Variants in PLCG1 observed in about 807,000 individuals in gnomAD.
PLCG1 encodes phospholipase C gamma 1.
A neutral mutation model predicts 177.8 loss-of-function variants in PLCG1; 71 were observed. The observed-to-expected ratio is 0.40, with a 90% CI of 0.33 to 0.49. PLCG1 has a LOEUF of 0.49. Among genes scored for constraint, PLCG1 ranks in the 20% least tolerant of loss-of-function variants. PLCG1 has a pLI of 0.72. For missense variants in PLCG1, 1,281 were observed against 1,709.0 expected (o/e 0.75, Z 4.42); for synonymous variants, 658 against 647.9 (o/e 1.02, Z -0.24).
chr20:41,163,289 G>A lies in PLCG1; in HGVS notation c.789+14G>A, dbSNP rs1216833198. The A allele has an allele frequency of 1.9e-6, 3 of 1,576,800 alleles. No individual in the cohort carries two copies. Among genetic ancestry groups the A allele is most frequent in the African/African-American group, 1.4e-5 (1 of 73,288 alleles). On this transcript the variant is annotated intron_variant, in intron 8 of 31. Coordinates refer to ENST00000685551, the MANE Select transcript of PLCG1 (RefSeq NM_002660.3). The surrounding 1 kb of genome is among the most constrained non-coding windows in gnomAD (Gnocchi z 5.2). ...GACTACCAGGGGGTATGGCTGGGCT[G>A]ACATTGGCCCAGGCTGGTAGGTTGT...
At chr20:41,152,658 C>T (rs150470042) in intron 1 of PLCG1, among the ~76,000 whole-genome samples, 34 of 152,362 alleles carry the variant, frequency 2.2e-4, no homozygotes, top group African/African-American at 6.5e-4. Context: ...CTCTTAAGTA[C>T]TCTGAACATT....
chr20:41,163,030 C>A lies in PLCG1; in HGVS notation c.716+38C>A. 1 of 1,600,806 alleles carries A rather than the reference C, an allele frequency of 6.2e-7. No individual in the cohort carries two copies. The highest frequency in any genetic ancestry group is 1.3e-5 in the African/African-American group (1 of 74,726). ...GTGGGGAGGTGGGGTTTTCCCTGGGCCCCCTTCATCTCTCCACTGGGCGAT... is the reference window on the plus strand; with the variant it reads ...GTGGGGAGGTGGGGTTTTCCCTGGGACCCCTTCATCTCTCCACTGGGCGAT... On this transcript the variant is annotated intron_variant, in intron 7 of 31. Coordinates refer to ENST00000685551, the MANE Select transcript of PLCG1 (RefSeq NM_002660.3). The surrounding 1 kb of genome is among the most constrained non-coding windows in gnomAD (Gnocchi z 5.2).
chr20:41,153,298 A>G lies in PLCG1; in HGVS notation c.218-6308A>G, dbSNP rs575987060. Among the ~76,000 whole-genome samples, 5 of 152,214 alleles carry G rather than the reference A, an allele frequency of 3.3e-5. No homozygotes were observed. The East Asian group carries it at 5.8e-4, about 18-fold the overall frequency. ...TGTTTTTGTTTTGTGTTTTTAGAGA[A>G]AGGATCTCGCTTTGTTGGCCAGGCT... On this transcript the variant is annotated intron_variant, in intron 1 of 31. Transcript: ENST00000685551. This position sits in a 1 kb window ranked among gnomAD's most constrained non-coding sequence, Gnocchi z 5.1.
chr20:41,176,572 C>A lies in PLCG1; in HGVS notation c.*2063C>A, dbSNP rs538710229. The A allele has an allele frequency of 2.6e-5, 4 of 152,222 alleles. No individual in the cohort carries two copies. The highest frequency in any genetic ancestry group is 5.9e-5 in the Non-Finnish European group (4 of 68,050). The allele number at this position is 152,222 out of a possible 1,614,324, so 9.4% of individuals were successfully genotyped here. On this transcript the variant is annotated 3_prime_UTR_variant, in exon 32 of 32. Coordinates refer to ENST00000685551, the MANE Select transcript of PLCG1 (RefSeq NM_002660.3). ...TCAATACGTATCTCTATTTGCTGAA[C>A]AAGTGTCTTTCTGGAACACAACCTG...
At chr20:41,143,760 T>A (rs2034905459) in intron 1 of PLCG1, among the ~76,000 whole-genome samples, 1 of 152,240 alleles carries the variant, frequency 6.6e-6, no homozygotes, top group African/African-American at 2.4e-5. Context: ...TTTCCCTGTC[T>A]GAAATTGATC....
Position 41,164,067 on chromosome 20 carries a change from A to T in PLCG1, c.1097-14A>T. On this transcript the variant is annotated splice_polypyrimidine_tract_variant and intron_variant, in intron 11 of 31. Transcript: ENST00000685551. The surrounding 1 kb of genome is among the most constrained non-coding windows in gnomAD (Gnocchi z 6.4). Reference sequence around the variant, plus strand: ...GAGGCCTGCCCGCTTGACCATGGTGATGTTGCTCCCCAGTGGACTGCTGGG... The same window carrying T: ...GAGGCCTGCCCGCTTGACCATGGTGTTGTTGCTCCCCAGTGGACTGCTGGG... 1 of 1,614,056 alleles carries T rather than the reference A, an allele frequency of 6.2e-7. No homozygotes were observed.
chr20:41,168,731 C>A, intron 20 of PLCG1, 36 bp from the exon 21 acceptor site: 1 of 1,342,752 alleles, frequency 7.4e-7, no homozygotes, highest in Non-Finnish European at 1.1e-6. Flanking sequence ...GCAGGGAGAG[C>A]CTTTCTGCTC....
rs201465441 is a variant in PLCG1 at position 41,165,211 on chromosome 20, G to T, written c.1387-34G>T. 56 of 1,612,754 alleles carry T rather than the reference G, an allele frequency of 3.5e-5. 3 individuals are homozygous for T. The African/African-American group carries it at 3.6e-4, about 10-fold the overall frequency. On this transcript the variant is annotated intron_variant, in intron 13 of 31. Coordinates refer to ENST00000685551, the MANE Select transcript of PLCG1 (RefSeq NM_002660.3). This position sits in a 1 kb window ranked among gnomAD's most constrained non-coding sequence, Gnocchi z 6.6. The stretch of plus-strand genomic sequence containing the variant: ...GGTGAGGAGGTGGGGTGAGGACTGG[G>T]GTCTGCATTGCCCTGTTCTGGTTGC...
rs753250885 is a variant in PLCG1 at position 41,174,204 on chromosome 20, T to C, written c.3726T>C (p.His1242=). The C allele has an allele frequency of 7.4e-6, 12 of 1,614,186 alleles. No individual in the cohort carries two copies. The highest frequency in any genetic ancestry group is 1.0e-5 in the Non-Finnish European group (12 of 1,180,036). ...CAGATGCCTCAGGCCAGCTGTTTCATGGCCGAGCCCGGGAAGGCTCCTTTG... is the reference window on the plus strand; with the variant it reads ...CAGATGCCTCAGGCCAGCTGTTTCACGGCCGAGCCCGGGAAGGCTCCTTTG... ...RGSDASGQLF[H]GRAREGSFES... Residue 1242 remains histidine, a synonymous_variant, in exon 31 of 32, where the codon CAT becomes CAC. Coordinates refer to ENST00000685551, the MANE Select transcript of PLCG1 (RefSeq NM_002660.3). The surrounding 1 kb of genome is among the most constrained non-coding windows in gnomAD (Gnocchi z 5.8).
rs927409627 is a variant in PLCG1 at position 41,172,132 on chromosome 20, G to C, written c.2809-61G>C. ...TGTGGGCATGCCCAAGGTTGGCAGG[G>C]GCTTCCTTCTCCTGGGCAGGGCTGT... On this transcript the variant is annotated intron_variant, in intron 24 of 31. Coordinates refer to ENST00000685551, the MANE Select transcript of PLCG1 (RefSeq NM_002660.3). This position sits in a 1 kb window ranked among gnomAD's most constrained non-coding sequence, Gnocchi z 7.0. The C allele has an allele frequency of 1.5e-6, 2 of 1,354,260 alleles. No homozygotes were observed. The highest frequency in any genetic ancestry group is 2.1e-6 in the Non-Finnish European group (2 of 942,796). 83.9% of individuals were successfully genotyped at this position (1,354,260 alleles called of 1,614,324 possible).
chr20:41,170,514 C>T (rs1176143348), intron 24 of PLCG1: 3 of 483,624 alleles, frequency 6.2e-6, no homozygotes, highest in African/African-American at 3.9e-5. Context: ...GCTTAGTGGG[C>T]AATTGGATAC....
At chr20:41,171,448 A>T (rs2035892007) in intron 24 of PLCG1, among the ~76,000 whole-genome samples, 1 of 151,966 alleles carries the variant, frequency 6.6e-6, no homozygotes, top group Admixed American at 6.5e-5. Context: ...TTAGCCGGGC[A>T]TGTTGGCCGG....
chr20:41,173,914 TC>T lies in PLCG1; in HGVS notation c.3557-7del. 2 of 1,613,542 alleles carry T rather than the reference TC, an allele frequency of 1.2e-6. No individual in the cohort carries two copies. Among genetic ancestry groups the T allele is most frequent in the East Asian group, 2.2e-5 (1 of 44,868 alleles). ...CGTGGGCTGAGGGCCAGGCTTTTCC[TC>T]CTCCTAGGATACAGAGCAGTGCCTT... On this transcript the variant is annotated splice_region_variant and splice_polypyrimidine_tract_variant and intron_variant, in intron 29 of 31. Coordinates refer to ENST00000685551, the MANE Select transcript of PLCG1 (RefSeq NM_002660.3). This position sits in a 1 kb window ranked among gnomAD's most constrained non-coding sequence, Gnocchi z 6.2.
rs1405094940 is a variant in PLCG1 at position 41,159,126 on chromosome 20, G to T, written c.218-480G>T. Among the ~76,000 whole-genome samples the T allele has an allele frequency of 6.6e-6, 1 of 152,194 alleles. No homozygotes were observed. Among genetic ancestry groups the T allele is most frequent in the Non-Finnish European group, 1.5e-5 (1 of 68,028 alleles). On this transcript the variant is annotated intron_variant, in intron 1 of 31. Coordinates refer to ENST00000685551, the MANE Select transcript of PLCG1 (RefSeq NM_002660.3). The surrounding 1 kb of genome is among the most constrained non-coding windows in gnomAD (Gnocchi z 6.0). ...GACTTGTGTGGGGATGGCTTTAGCA[G>T]TTAGGCATTTCAGGGATGCACCAGT...
In PLCG1 at chr20:41,165,868, G is replaced by T; in HGVS notation, c.1799+42G>T. On this transcript the variant is annotated intron_variant, in intron 16 of 31. Coordinates refer to ENST00000685551, the MANE Select transcript of PLCG1 (RefSeq NM_002660.3). The surrounding 1 kb of genome is among the most constrained non-coding windows in gnomAD (Gnocchi z 6.6). ...AGATGCGTATGTTCAGTCAGCGTGT[G>T]TACACAGACATCACATCACCCAGAG... 1 of 1,432,486 alleles carries T rather than the reference G, an allele frequency of 7.0e-7. No individual in the cohort carries two copies. Among genetic ancestry groups the T allele is most frequent in the South Asian group, 1.3e-5 (1 of 78,060 alleles). The allele number at this position is 1,432,486 out of a possible 1,614,324, so 88.7% of individuals were successfully genotyped here. A position where few individuals can be genotyped will look rare whatever the true frequency, so the allele number is the denominator to read the frequency against.
chr20:41,172,325 C>T lies in PLCG1; in HGVS notation c.2905+36C>T, dbSNP rs780324303. On this transcript the variant is annotated intron_variant, in intron 25 of 31. Coordinates refer to ENST00000685551, the MANE Select transcript of PLCG1 (RefSeq NM_002660.3). This position sits in a 1 kb window ranked among gnomAD's most constrained non-coding sequence, Gnocchi z 7.0. ...GGGCCCAGGCGGGGTGTGCATGTGC[C>T]TGGAGGGCCTGGTGGGTGCAAAAAG... 28 of 1,584,820 alleles carry T rather than the reference C, an allele frequency of 1.8e-5. No homozygotes were observed.
intron 24 of PLCG1, 90 bp downstream of exon 24, chr20:41,170,359 C>A: frequency 7.1e-7 from 1 of 1,414,350 alleles, no homozygotes; most frequent in East Asian, 2.4e-5. Flanking sequence ...CCCCTCAGAG[C>A]AGTGGGGCAG....
At position 41,176,327 on chromosome 20, in the gene PLCG1, T is replaced by G. The variant is rs374984700; in HGVS notation, c.*1818T>G. ...TTTACAGCTTCACAGTCCCAGTTCA[T>G]AGAGAGGAGGGTGGCTTTTTCCCAT... On this transcript the variant is annotated 3_prime_UTR_variant, in exon 32 of 32. Coordinates refer to ENST00000685551, the MANE Select transcript of PLCG1 (RefSeq NM_002660.3). 2 of 152,316 alleles carry G rather than the reference T, an allele frequency of 1.3e-5. No homozygotes were observed. The highest frequency in any genetic ancestry group is 2.1e-4 in the South Asian group (1 of 4,814). 9.4% of individuals were successfully genotyped at this position (152,316 alleles called of 1,614,324 possible).
chr20:41,152,883 A>T (rs1258577822), intron 1 of PLCG1, among the ~76,000 whole-genome samples: 1 of 152,186 alleles, frequency 6.6e-6, no homozygotes, highest in South Asian at 2.1e-4. Flanking sequence ...AGGAGGTAGG[A>T]GTGGCTTGTG....
Sources: gnomAD v4.1 joint callset for allele counts (sites outside exome capture counted in the v4.1 genomes callset) on GRCh38, gnomAD v4.1.1 for gene constraint, Gnocchi (gnomAD v3.1) non-coding constraint, MANE v1.5 for transcripts, NCBI Gene and HGNC (gene_info 2026-07-23, HGNC 2026-07-21) for gene names.